Variants in SYVN1 observed in about 807,000 individuals in gnomAD.
SYVN1 encodes the protein E3 ubiquitin-protein ligase synoviolin.
In SYVN1, 17 loss-of-function variants were observed where a neutral mutation model predicts 62.6. The ratio of observed to expected loss-of-function variants is 0.27; its 90% CI spans 0.19 to 0.41. The LOEUF (loss-of-function observed/expected upper bound fraction) is 0.41. SYVN1 is among the 10% of genes least tolerant of loss of function. SYVN1 has a pLI of 1.00. For missense variants in SYVN1, 634 were observed against 818.0 expected (o/e 0.78, Z 2.74); for synonymous variants, 316 against 304.0 (o/e 1.04, Z -0.41).
intron 14 of SYVN1, 46 bp from the exon 15 acceptor site, chr11:65,128,760 G>A: frequency 1.3e-6 from 2 of 1,540,032 alleles, no homozygotes; most frequent in South Asian, 1.2e-5. Flanking sequence ...TGGCATCCAA[G>A]GTTGGGCAGA....
intron 1 of SYVN1, among the ~76,000 whole-genome samples, chr11:65,133,958 A>G (rs1948214339): frequency 6.6e-6 from 1 of 152,176 alleles, no homozygotes; most frequent in South Asian, 2.1e-4. Context: ...GGTGGAGAAG[A>G]TGGGGTGGGA....
At position 65,128,545 on chromosome 11, in the gene SYVN1, G is replaced by A. The variant is rs1419730960; in HGVS notation, c.1747+18C>T. On this transcript the variant is annotated intron_variant, in intron 15 of 15. Transcript: ENST00000377190. Reference sequence around the variant, plus strand: ...GAGAAGTTCCCTGCTCCCCCGGCTGGAGGCCAATCACACCTACCTGGAGGC... The same window carrying A: ...GAGAAGTTCCCTGCTCCCCCGGCTGAAGGCCAATCACACCTACCTGGAGGC... The A allele has an allele frequency of 6.2e-7, 1 of 1,613,486 alleles. No individual in the cohort carries two copies. Among genetic ancestry groups the A allele is most frequent in the African/African-American group, 1.3e-5 (1 of 74,888 alleles).
rs1226800573 is a variant in SYVN1, at chr11:65,133,241, G to A, written c.144C>T (p.Ile48=). The A allele has an allele frequency of 6.2e-7, 1 of 1,614,234 alleles. No individual in the cohort carries two copies. Among genetic ancestry groups the A allele is most frequent in the Admixed American group, 1.7e-5 (1 of 60,030 alleles). The change falls in exon 3 of 16, where the codon ATC becomes ATT. Residue 48 remains isoleucine (I), a synonymous_variant. Transcript: ENST00000377190. The part of the protein sequence containing the change: ...KSSPSMAVLY[I]QAFVLVFLLG... The stretch of plus-strand genomic sequence containing the variant: ...GAAGGAAGACAAGGACAAAGGCCTG[G>A]ATGTACAGGACCTAGGAGTGGGGAG...
intron 1 of SYVN1, chr11:65,134,154 A>AC (rs1310736222): frequency 6.5e-6 from 1 of 152,858 alleles, no homozygotes; most frequent in African/African-American, 2.5e-5. Flanking sequence ...GGGTCCCCCG[A>AC]CCCCCGGAGT....
Position 65,132,995 on chromosome 11 carries a change from C to G in SYVN1, c.305G>C (p.Arg102Pro), listed in dbSNP as rs764349163. 8 of 1,614,150 alleles carry G rather than the reference C, an allele frequency of 5.0e-6. No individual in the cohort carries two copies. Among genetic ancestry groups the G allele is most frequent in the Non-Finnish European group, 6.8e-6 (8 of 1,180,026 alleles). ...FTVFRDDFSP[R>P]FVALFTLLLF... is the part of the protein sequence containing the mutation. Reference sequence around the variant, plus strand: ...AAGAAGAGTGAAGAGTGCAACAAAGCGGGGGCTGAAGTCATCCCGAAAAAC... The same window carrying G: ...AAGAAGAGTGAAGAGTGCAACAAAGGGGGGGCTGAAGTCATCCCGAAAAAC... The change falls in exon 4 of 16, where the codon CGC (arginine) becomes CCC (proline). Residue 102 changes from arginine to proline, a missense_variant. By Grantham distance (103) the Arg-to-Pro change is moderately radical (BLOSUM62 -2). Around this residue, in one of 2 missense-constraint regions of SYVN1, gnomAD observed 283 missense variants for 444.7 expected, o/e 0.64. Coordinates refer to ENST00000377190, the MANE Select transcript of SYVN1 (RefSeq NM_172230.3).
chr11:65,132,630 A>G (rs1948195691), intron 5 of SYVN1, 102 bp downstream of exon 5: 2 of 1,363,392 alleles, frequency 1.5e-6, no homozygotes, highest in African/African-American at 1.4e-5. Flanking sequence ...AACTTCCTAA[A>G]TTATCTTTCC....
At chr11:65,132,560 G>A (rs1371362569) in intron 5 of SYVN1, 172 bp downstream of exon 5, 5 of 877,528 alleles carry the variant, frequency 5.7e-6, no homozygotes, top group African/African-American at 3.3e-5. Context: ...AAGGCAAAGG[G>A]CTGAGGGCCC....
chr11:65,127,308 T>C lies in SYVN1; in HGVS notation c.*1074A>G. 4.5e-6 allele frequency: 2 copies of C among 448,774 alleles called. No individual in the cohort carries two copies. The highest frequency in any genetic ancestry group is 7.9e-6 in the Non-Finnish European group (2 of 254,456). 27.8% of individuals were successfully genotyped at this position (448,774 alleles called of 1,614,324 possible). A position where few individuals can be genotyped will look rare whatever the true frequency, so the allele number is the denominator to read the frequency against. The stretch of plus-strand genomic sequence containing the variant: ...TAATGCAAGTTTTTATTTGGCTGTA[T>C]ATACAATTTAAGCTATTAAAATTTG... On this transcript the variant is annotated 3_prime_UTR_variant, in exon 16 of 16. Coordinates refer to ENST00000377190, the MANE Select transcript of SYVN1 (RefSeq NM_172230.3).
chr11:65,131,172 C>A lies in SYVN1; in HGVS notation c.784G>T (p.Ala262Ser). 1 of 1,614,156 alleles carries A rather than the reference C, an allele frequency of 6.2e-7. No homozygotes were observed. Among genetic ancestry groups the A allele is most frequent in the Non-Finnish European group, 8.5e-7 (1 of 1,180,016 alleles). ...MRQFKKAVTDAIMSRRAIRNM... is the reference protein window; with the variant it reads ...MRQFKKAVTDSIMSRRAIRNM... ...CGGATGGCTCGGCGAGACATGATGG[C>A]ATCTGTCACAGCTTTCTTGAACTGT... Residue 262 changes from alanine (A) to serine (S), a missense_variant, in exon 9 of 16, where the codon GCC becomes TCC. Ala to Ser is a moderately conservative substitution (Grantham distance 99). Transcript: ENST00000377190.
rs760096572 is a variant in SYVN1 at position 65,131,280 on chromosome 11, G to A, written c.752C>T (p.Ala251Val). Residue 251 changes from alanine (A) to valine (V), a missense_variant, in exon 8 of 16, where the codon GCC becomes GTC. Ala to Val is a moderately conservative substitution (Grantham distance 64). This residue lies in a region of SYVN1 where 283 missense variants were observed against 444.7 expected (regional missense o/e 0.64). Transcript: ENST00000377190. ...PLFAIRPMYL[A>V]MRQFKKAVTD... ...GGGACAGGGCCGGGCTCACCTCATG[G>A]CCAGGTACATGGGCCGGATGGCAAA... The A allele has an allele frequency of 6.2e-7, 1 of 1,614,132 alleles. No homozygotes were observed.
chr11:65,132,145 G>C, intron 6 of SYVN1, 103 bp downstream of exon 6: 1 of 886,482 alleles, frequency 1.1e-6, no homozygotes, highest in Non-Finnish European at 1.9e-6. Flanking sequence ...GGCCAGCACA[G>C]GTTGGCCACA....
At position 65,131,152 on chromosome 11, in the gene SYVN1, G is replaced by A. The variant is rs1387826886; in HGVS notation, c.804C>T (p.Ala268=). 3 of 1,614,074 alleles carry A rather than the reference G, an allele frequency of 1.9e-6. No homozygotes were observed. Among genetic ancestry groups the A allele is most frequent in the Non-Finnish European group, 1.7e-6 (2 of 1,180,034 alleles). The change falls in exon 9 of 16, where the codon GCC becomes GCT. Residue 268 remains alanine (A), a synonymous_variant. Coordinates refer to ENST00000377190, the MANE Select transcript of SYVN1 (RefSeq NM_172230.3). ...AVTDAIMSRR[A]IRNMNTLYPD... Reference sequence around the variant, plus strand: ...CTTACAGGGTGTTCATGTTGCGGATGGCTCGGCGAGACATGATGGCATCTG... The same window carrying A: ...CTTACAGGGTGTTCATGTTGCGGATAGCTCGGCGAGACATGATGGCATCTG...
chr11:65,130,774 T>C lies in SYVN1; in HGVS notation c.991A>G (p.Met331Val), dbSNP rs1419890999. 6.5e-7 allele frequency: 1 copy of C among 1,547,712 alleles called. No individual in the cohort carries two copies. Among genetic ancestry groups the C allele is most frequent in the Non-Finnish European group, 8.7e-7 (1 of 1,151,832 alleles). Residue 331 changes from methionine to valine, a missense_variant, in exon 11 of 16, where the codon ATG becomes GTG. Met to Val is a conservative substitution (Grantham distance 21). This residue lies in a region of SYVN1 where 283 missense variants were observed against 444.7 expected (regional missense o/e 0.64). Coordinates refer to ENST00000377190, the MANE Select transcript of SYVN1 (RefSeq NM_172230.3). ...GGCAGCGATGCACGAAGGACATCCA[T>C]ACGGCAGGTGGGGCAGGTCTGCTGC... ...QRQQTCPTCRMDVLRASLPAQ... is the reference protein window; with the variant it reads ...QRQQTCPTCRVDVLRASLPAQ...
chr11:65,130,030 C>A lies in SYVN1; in HGVS notation c.1380G>T (p.Trp460Cys). 1 of 1,601,228 alleles carries A rather than the reference C, an allele frequency of 6.2e-7. No individual in the cohort carries two copies. Residue 460 changes from tryptophan to cysteine, a missense_variant, in exon 13 of 16, where the codon TGG becomes TGT. Transcript: ENST00000377190. ...PAPGFPFPPP[W>C]MGMPLPPPFA... ...AGGGTGGAGGCAGGGGCATACCCAT[C>A]CAGGGAGGAGGGAAGGGGAAACCAG...
intron 1 of SYVN1, 89 bp from the exon 2 acceptor site, chr11:65,133,707 TG>T (rs978171009): frequency 2.9e-6 from 3 of 1,050,950 alleles, no homozygotes; most frequent in Non-Finnish European, 4.1e-6. Flanking sequence ...TAGGAGAAAG[TG>T]GGGGGGAAAT....
At chr11:65,129,611 C>T in intron 14 of SYVN1, 118 bp downstream of exon 14, 1 of 949,798 alleles carries the variant, frequency 1.1e-6, no homozygotes, top group Non-Finnish European at 1.6e-6. Flanking sequence ...CTTGGTGGGC[C>T]TGTAGATAGG....
At chr11:65,131,693 TAC>T (rs1948182656) in intron 6 of SYVN1, 97 bp from the exon 7 acceptor site, 1 of 1,456,606 alleles carries the variant, frequency 6.9e-7, no homozygotes, top group Non-Finnish European at 9.3e-7. Context: ...GGTGCAGTGG[TAC>T]AATCACAGGC....
At position 65,133,547 on chromosome 11, in the gene SYVN1, C is replaced by CCA; in HGVS notation, c.53_54dup (p.Val19TrpfsTer19). 6.2e-7 allele frequency: 1 copy of CCA among 1,613,290 alleles called. No individual in the cohort carries two copies. The highest frequency in any genetic ancestry group is 1.7e-5 in the Admixed American group (1 of 60,034). On this transcript the variant is annotated frameshift_variant, in exon 2 of 16. Coordinates refer to ENST00000377190, the MANE Select transcript of SYVN1 (RefSeq NM_172230.3). LOFTEE classifies it high-confidence loss of function. ...TGTTTGAGGTAGTAGGCGTGAGCCA[C>CCA]CACAGCCCCGGTCAGCGCCAGGCTG...
At chr11:65,132,699 G>A in intron 5 of SYVN1, 33 bp downstream of exon 5, 8 of 1,612,568 alleles carry the variant, frequency 5.0e-6, no homozygotes, top group Non-Finnish European at 6.8e-6. Context: ...TCACGTTCCA[G>A]TCCTCCCTTC....
Sources: allele counts gnomAD v4.1 joint callset (sites outside exome capture counted in the v4.1 genomes callset), GRCh38; gene constraint gnomAD v4.1.1; regional missense constraint gnomAD v4.1.1; transcripts MANE v1.5; gene names NCBI Gene and HGNC (gene_info 2026-07-23, HGNC 2026-07-21).